PROZ: variants seen among roughly 807,000 people sequenced by gnomAD.
The protein encoded by PROZ is protein Z, vitamin K dependent plasma glycoprotein, also known as vitamin K-dependent protein Z.
PROZ carries 46 observed loss-of-function variants against 34.9 expected under a neutral mutation model. The ratio of observed to expected loss-of-function variants is 1.32; its 90% CI spans 1.04 to 1.69. The LOEUF is 1.69. PROZ is among the 40% of genes most tolerant of loss of function. The probability of loss-of-function intolerance (pLI) is 0.00; values close to 1 mark genes in which losing one functional copy is unlikely to be tolerated. For synonymous variants in PROZ, 195 were observed against 208.5 expected, an observed-to-expected ratio of 0.94 and a Z score of 0.56; for missense variants, 530 against 520.4, an observed-to-expected ratio of 1.02 and a Z score of -0.18.
Position 113,159,611 on chromosome 13 carries a change from G to C in PROZ, c.71-403G>C, listed in dbSNP as rs2036726057. 6.6e-6 allele frequency among the ~76,000 whole-genome samples: 1 copy of C among 152,230 alleles called. No homozygotes were observed. Among genetic ancestry groups the C allele is most frequent in the Admixed American group, 6.5e-5 (1 of 15,290 alleles). The stretch of plus-strand genomic sequence containing the variant: ...GTTTCTTCTTTATGTGTTTTATCAA[G>C]ATGTTAAATGCTGCGCACAGAGGCA... On this transcript the variant is annotated intron_variant, in intron 1 of 7. Coordinates refer to ENST00000375547, the MANE Select transcript of PROZ (RefSeq NM_003891.3). This position sits in a 1 kb window ranked among gnomAD's most constrained non-coding sequence, Gnocchi z 4.6.
intron 3 of PROZ, among the ~76,000 whole-genome samples, chr13:113,161,687 G>A (rs564125072): frequency 4.6e-5 from 7 of 152,078 alleles, no homozygotes; most frequent in Admixed American, 6.5e-5. Context: ...AGCGGGGAGC[G>A]TCCTGGGGGC....
In PROZ at chr13:113,159,515, G is replaced by C. The variant is rs964500462; in HGVS notation, c.71-499G>C. On this transcript the variant is annotated intron_variant, in intron 1 of 7. Transcript: ENST00000375547. The surrounding 1 kb of genome is among the most constrained non-coding windows in gnomAD (Gnocchi z 4.6). ...GACCCTCAGGTGGGAAGAGGCTCCA[G>C]AGACCACTGCCGCGGGTCAACTCAT... is the stretch of plus-strand genomic sequence containing the variant. Among the ~76,000 whole-genome samples the C allele has an allele frequency of 1.3e-5, 2 of 152,184 alleles. No individual in the cohort carries two copies. The highest frequency in any genetic ancestry group is 4.8e-5 in the African/African-American group (2 of 41,434).
intron 6 of PROZ, among the ~76,000 whole-genome samples, chr13:113,165,476 T>C (rs1159712552): frequency 6.6e-6 from 1 of 152,244 alleles, no homozygotes; most frequent in Non-Finnish European, 1.5e-5. Flanking sequence ...TTGGCATTCA[T>C]TTTTGTTCTC....
At chr13:113,167,169 G>A (rs958776700) in intron 6 of PROZ, among the ~76,000 whole-genome samples, 2 of 152,198 alleles carry the variant, frequency 1.3e-5, no homozygotes, top group Non-Finnish European at 2.9e-5. Flanking sequence ...TCCTAGGGAA[G>A]AAGTATCACT....
rs2037084747 is a variant in PROZ, at chr13:113,170,669, T to C, written c.691+139T>C. On this transcript the variant is annotated intron_variant, in intron 7 of 7. Transcript: ENST00000375547. ...TTTACTGTCAATAAAACTGAGATAC[T>C]TATCAACTCAGGAAGCATATGTAAA... 9.1e-6 allele frequency: 6 copies of C among 656,016 alleles called. No homozygotes were observed. The Admixed American group carries it at 1.2e-4, about 14-fold the overall frequency. 40.6% of individuals were successfully genotyped at this position (656,016 alleles called of 1,614,324 possible). A position where few individuals can be genotyped will look rare whatever the true frequency, so the allele number is the denominator to read the frequency against.
rs150819115 is a variant in PROZ, at chr13:113,170,511, G to A, written c.672G>A (p.Arg224=). Residue 224 remains arginine, a synonymous_variant, in exon 7 of 8, where the codon AGG becomes AGA. Transcript: ENST00000375547. ...LTTAKCSLLH[R]NITVKTYFNR... is the part of the protein sequence containing the mutation. ...CAGCAAAATGTTCACTGTTACACAG[G>A]AATATTACTGTAAAAACATGTAAGT... The A allele has an allele frequency of 7.2e-5, 114 of 1,580,638 alleles. No individual in the cohort carries two copies. Among genetic ancestry groups the A allele is most frequent in the Non-Finnish European group, 8.9e-5 (102 of 1,149,968 alleles).
At chr13:113,162,764 G>C (rs375385890) in intron 3 of PROZ, among the ~76,000 whole-genome samples, 261 of 22,856 alleles carry the variant, frequency 0.011, 5 homozygotes, top group African/African-American at 0.023. Context: ...TCCCTGCCAC[G>C]TCCCCCCATC....
rs3024716 is a variant in PROZ, at chr13:113,159,398, C to A, written c.71-616C>A. 30 of 902,788 alleles carry A rather than the reference C, an allele frequency of 3.3e-5. No individual in the cohort carries two copies. The highest frequency in any genetic ancestry group is 2.4e-4 in the Middle Eastern group (1 of 4,242). The allele number at this position is 902,788 out of a possible 1,614,324, so 55.9% of individuals were successfully genotyped here. A position where few individuals can be genotyped will look rare whatever the true frequency, so the allele number is the denominator to read the frequency against. Reference sequence around the variant, plus strand: ...CGTAGCCGGACTTAGCTGAGCCCCCCCTGCTGTAACCCTCAGCACCGAGAG... The same window carrying A: ...CGTAGCCGGACTTAGCTGAGCCCCCACTGCTGTAACCCTCAGCACCGAGAG... On this transcript the variant is annotated intron_variant, in intron 1 of 7. Transcript: ENST00000375547. The surrounding 1 kb of genome is among the most constrained non-coding windows in gnomAD (Gnocchi z 4.6).
chr13:113,166,707 A>C (rs913019295), intron 6 of PROZ, among the ~76,000 whole-genome samples: 3 of 152,210 alleles, frequency 2.0e-5, no homozygotes, highest in Non-Finnish European at 4.4e-5. Context: ...TTCCTGCCCA[A>C]GCTTTCTAAG....
At chr13:113,168,061 T>G (rs1452577255) in intron 6 of PROZ, among the ~76,000 whole-genome samples, 1 of 152,156 alleles carries the variant, frequency 6.6e-6, no homozygotes, top group African/African-American at 2.4e-5. Context: ...CATGCCCCAT[T>G]CCTCCCCTCC....
intron 4 of PROZ, among the ~76,000 whole-genome samples, 199 bp downstream of exon 4, chr13:113,163,321 TTC>T (rs1413052071): frequency 6.6e-6 from 1 of 152,110 alleles, no homozygotes; most frequent in Non-Finnish European, 1.5e-5. Flanking sequence ...GCTGGCTGCA[TTC>T]TGAGCTGCCC....
rs2037120829 is a variant in PROZ at position 113,171,839 on chromosome 13, T to C, written c.937T>C (p.Ser313Pro). 4.3e-6 allele frequency: 7 copies of C among 1,613,498 alleles called. No individual in the cohort carries two copies. Among genetic ancestry groups the C allele is most frequent in the Non-Finnish European group, 5.9e-6 (7 of 1,180,032 alleles). Reference sequence around the variant, plus strand: ...ACGCAATGGCACTGACCTGGGCAACTCGCTGACCACGCGGCCTGTCACACT... The same window carrying C: ...ACGCAATGGCACTGACCTGGGCAACCCGCTGACCACGCGGCCTGTCACACT... ...WARNGTDLGN[S>P]LTTRPVTLVE... The change falls in exon 8 of 8, where the codon TCG becomes CCG. Residue 313 changes from serine to proline, a missense_variant. Coordinates refer to ENST00000375547, the MANE Select transcript of PROZ (RefSeq NM_003891.3). The surrounding 1 kb of genome is among the most constrained non-coding windows in gnomAD (Gnocchi z 5.1).
In PROZ at chr13:113,171,608, A is replaced by G. The variant is rs769651874; in HGVS notation, c.706A>G (p.Ser236Gly). 2 of 1,614,188 alleles carry G rather than the reference A, an allele frequency of 1.2e-6. No homozygotes were observed. Among genetic ancestry groups the G allele is most frequent in the Non-Finnish European group, 1.7e-6 (2 of 1,180,042 alleles). ...CATGATTTCAGATTTTAACAGAACG[A>G]GCCAAGACCCGCTGATGATCAAGAT... ...ITVKTYFNRT[S>G]QDPLMIKITH... is the part of the protein sequence containing the mutation. Residue 236 changes from serine to glycine, a missense_variant, in exon 8 of 8, where the codon AGC (serine) becomes GGC (glycine). Physicochemically the swap from Ser to Gly is moderately conservative, Grantham distance 56 (BLOSUM62 0). Transcript: ENST00000375547. This position sits in a 1 kb window ranked among gnomAD's most constrained non-coding sequence, Gnocchi z 5.1.
At position 113,172,035 on chromosome 13, in the gene PROZ, G is replaced by A. The variant is rs761190093; in HGVS notation, c.1133G>A (p.Gly378Glu). ...TGVLGSQPVG[G>E]QAHMVLVTKV... ...GTCCTGGGCTCGCAGCCAGTAGGAG[G>A]GCAGGCTCACATGGTCCTTGTCACC... The change falls in exon 8 of 8, where the codon GGG becomes GAG. Residue 378 changes from glycine (G) to glutamate (E), a missense_variant. Transcript: ENST00000375547. The A allele has an allele frequency of 6.2e-6, 10 of 1,613,124 alleles. No homozygotes were observed. Among genetic ancestry groups the A allele is most frequent in the Non-Finnish European group, 6.8e-6 (8 of 1,180,026 alleles).
chr13:113,166,073 A>C (rs536717446), intron 6 of PROZ: 1 of 152,140 alleles, frequency 6.6e-6, no homozygotes, highest in South Asian at 2.1e-4. Flanking sequence ...TACTTACCTC[A>C]TTTTCCACTT....
intron 6 of PROZ, among the ~76,000 whole-genome samples, chr13:113,170,030 C>G (rs560160965): frequency 6.6e-6 from 1 of 152,212 alleles, no homozygotes; most frequent in African/African-American, 2.4e-5. Flanking sequence ...CCGTCCTGCT[C>G]TGCACCATGG....
chr13:113,163,223 T>A, intron 4 of PROZ, 101 bp downstream of exon 4: 2 of 1,011,358 alleles, frequency 2.0e-6, no homozygotes, highest in Non-Finnish European at 3.0e-6. Context: ...GGTGTAGCCA[T>A]GAAGGTGCCT....
chr13:113,171,603 G>T lies in PROZ; in HGVS notation c.701G>T (p.Arg234Ile). 6.2e-7 allele frequency: 1 copy of T among 1,614,118 alleles called. No homozygotes were observed. Among genetic ancestry groups the T allele is most frequent in the East Asian group, 2.2e-5 (1 of 44,888 alleles). ...TTGTTCATGATTTCAGATTTTAACA[G>T]AACGAGCCAAGACCCGCTGATGATC... ...RNITVKTYFN[R>I]TSQDPLMIKI... The change falls in exon 8 of 8, where the codon AGA becomes ATA. Residue 234 changes from arginine to isoleucine, a missense_variant. Physicochemically the swap from Arg to Ile is moderately conservative, Grantham distance 97. Coordinates refer to ENST00000375547, the MANE Select transcript of PROZ (RefSeq NM_003891.3). The surrounding 1 kb of genome is among the most constrained non-coding windows in gnomAD (Gnocchi z 5.1).
At chr13:113,160,734 A>T (rs1024997664) in intron 2 of PROZ, among the ~76,000 whole-genome samples, 1 of 152,202 alleles carries the variant, frequency 6.6e-6, no homozygotes, top group African/African-American at 2.4e-5. Flanking sequence ...TGGTAAGCAC[A>T]TGTTGAGTAA....
Sources: allele counts gnomAD v4.1 joint callset (sites outside exome capture counted in the v4.1 genomes callset), GRCh38; gene constraint gnomAD v4.1.1; non-coding constraint Gnocchi (gnomAD v3.1); transcripts MANE v1.5; gene names NCBI Gene and HGNC (gene_info 2026-07-23, HGNC 2026-07-21).